Variants in SLC36A1 observed in about 807,000 individuals in gnomAD.
SLC36A1 encodes the protein proton-coupled amino acid transporter 1.
Under a neutral mutation model 47.5 loss-of-function variants are expected in SLC36A1, and 30 were observed. The ratio of observed to expected loss-of-function variants is 0.63; its 90% CI spans 0.47 to 0.86. The LOEUF (loss-of-function observed/expected upper bound fraction) is 0.86, where lower values mean the gene tolerates loss of function less well. SLC36A1 is among the 40% of genes least tolerant of loss of function. SLC36A1 has a pLI of 0.00. For missense variants in SLC36A1, 517 were observed against 606.0 expected (o/e 0.85, Z 1.54); for synonymous variants, 255 against 249.7 (o/e 1.02, Z -0.20).
At chr5:151,419,061 A>C in the SLC36A1 span, among the ~76,000 whole-genome samples, 3 of 152,194 alleles carry the variant, frequency 2.0e-5, no homozygotes, top group African/African-American at 7.2e-5. Context: ...CTGCCTCTAC[A>C]TGAAGAAAGT....
chr5:151,425,088 C>T, the SLC36A1 span, among the ~76,000 whole-genome samples: 35 of 152,344 alleles, frequency 2.3e-4, no homozygotes, highest in East Asian at 3.3e-3. Context: ...TGAACTCAGA[C>T]TTTCTGATCC....
In SLC36A1 at chr5:151,473,928, G is replaced by A. The variant is rs902889277; in HGVS notation, c.822+157G>A. On this transcript the variant is annotated intron_variant, in intron 8 of 10. Transcript: ENST00000243389. ...TAATCTCAGCACTTTGGGAGGCCTA[G>A]ACTGGTGGATCACTTGAGGTCAGGA... Among the ~76,000 whole-genome samples, 3 of 152,016 alleles carry A rather than the reference G, an allele frequency of 2.0e-5. No homozygotes were observed. In the East Asian group the frequency reaches 5.8e-4, roughly 29 times the overall value.
the SLC36A1 span, among the ~76,000 whole-genome samples, chr5:151,402,991 C>T: frequency 1.3e-5 from 2 of 151,868 alleles, no homozygotes; most frequent in African/African-American, 2.4e-5. Context: ...TGGATTTTTG[C>T]GGTCTCAATA....
At chr5:151,552,613 C>CGTT in the SLC36A1 span, among the ~76,000 whole-genome samples, 1 of 152,172 alleles carries the variant, frequency 6.6e-6, no homozygotes, top group Non-Finnish European at 1.5e-5. Context: ...AGGACCTAAG[C>CGTT]GTTCGTCAGA....
chr5:151,540,464 C>T, the SLC36A1 span: 1 of 852,142 alleles, frequency 1.2e-6, no homozygotes, highest in South Asian at 1.9e-5. Flanking sequence ...TGTTCTCCTG[C>T]CCCTCAATCT....
At chr5:151,432,648 G>T (rs1424310147), upstream of SLC36A1, among the ~76,000 whole-genome samples, 1 of 152,190 alleles carries the variant, frequency 6.6e-6, no homozygotes, top group Non-Finnish European at 1.5e-5. Flanking sequence ...AAGCTAGGAA[G>T]CTATCCAGGT....
At chr5:151,497,023 T>C (rs979449226), downstream of SLC36A1, among the ~76,000 whole-genome samples, 1 of 152,210 alleles carries the variant, frequency 6.6e-6, no homozygotes, top group Non-Finnish European at 1.5e-5. Context: ...GTTAGATTTC[T>C]TGAGATTTTC....
At chr5:151,405,599 C>T in the SLC36A1 span, among the ~76,000 whole-genome samples, 7 of 152,112 alleles carry the variant, frequency 4.6e-5, no homozygotes, top group African/African-American at 1.4e-4. Flanking sequence ...TGCTGGGGAG[C>T]TAGTGTGAAC....
the SLC36A1 span, among the ~76,000 whole-genome samples, chr5:151,367,256 G>A: frequency 6.6e-6 from 1 of 152,046 alleles, no homozygotes; most frequent in African/African-American, 2.4e-5. Flanking sequence ...ACCCTAGTAA[G>A]CCTGAGGGTT....
intron 2 of SLC36A1, 119 bp from the exon 3 acceptor site, chr5:151,463,434 T>G: frequency 1.3e-6 from 1 of 784,202 alleles, no homozygotes; most frequent in Non-Finnish European, 2.2e-6. Flanking sequence ...TCATCATCTA[T>G]AAGATAAAAT....
At chr5:151,463,112 G>A (rs1755796700) in intron 2 of SLC36A1, among the ~76,000 whole-genome samples, 1 of 152,038 alleles carries the variant, frequency 6.6e-6, no homozygotes, top group Admixed American at 6.6e-5. Flanking sequence ...CTGACCTCAG[G>A]TGATCCACCG....
chr5:151,511,036 T>TGTGCTGGATAAAGATCACCCCGGCTC, the SLC36A1 span: 1 of 152,284 alleles, frequency 6.6e-6, no homozygotes, highest in African/African-American at 2.4e-5. Flanking sequence ...TGCACAGGTC[T>TGTGCTGGATAAAGATCACCCCGGCTC]GTGCTGGATA....
chr5:151,504,163 TCA>T, the SLC36A1 span: 2 of 152,048 alleles, frequency 1.3e-5, no homozygotes, highest in East Asian at 3.9e-4. Flanking sequence ...TCACTCACAC[TCA>T]CAGTCACACA....
At chr5:151,554,512 C>A in the SLC36A1 span, 1 of 1,614,210 alleles carries the variant, frequency 6.2e-7, no homozygotes, top group East Asian at 2.2e-5. Flanking sequence ...AAGCCACCAG[C>A]CTGTACACAG....
the SLC36A1 span, among the ~76,000 whole-genome samples, chr5:151,409,597 C>T: frequency 6.6e-6 from 1 of 152,182 alleles, no homozygotes; most frequent in East Asian, 1.9e-4. Flanking sequence ...CCAGCAGCAT[C>T]AGCATTACCT....
chr5:151,372,603 C>T, the SLC36A1 span, among the ~76,000 whole-genome samples: 1 of 151,978 alleles, frequency 6.6e-6, no homozygotes, highest in Non-Finnish European at 1.5e-5. Context: ...GTCACCACGC[C>T]CATCTATTTT....
chr5:151,528,829 C>T, the SLC36A1 span, among the ~76,000 whole-genome samples: 3 of 152,176 alleles, frequency 2.0e-5, no homozygotes, highest in Non-Finnish European at 2.9e-5. Flanking sequence ...TGTCATTCCA[C>T]GTCACCCGCT....
At chr5:151,549,412 G>A in the SLC36A1 span, 1 of 1,614,176 alleles carries the variant, frequency 6.2e-7, no homozygotes, top group South Asian at 1.1e-5. Context: ...TCATAATGGA[G>A]CTGAGTGAAG....
chr5:151,390,077 T>G, the SLC36A1 span, among the ~76,000 whole-genome samples: 1 of 152,178 alleles, frequency 6.6e-6, no homozygotes, highest in Non-Finnish European at 1.5e-5. Context: ...ACGTGTTGTT[T>G]CCTGACTTTT....
Sources: gnomAD v4.1 joint callset for allele counts (sites outside exome capture counted in the v4.1 genomes callset) on GRCh38, gnomAD v4.1.1 for gene constraint, MANE v1.5 for transcripts, NCBI Gene and HGNC (gene_info 2026-07-23, HGNC 2026-07-21) for gene names.